Variants in ZNF740 observed in about 807,000 individuals in gnomAD.
ZNF740 encodes the protein zinc finger protein 740, also known as oriLyt TD-element-binding protein 7.
ZNF740 carries 14 observed loss-of-function variants against 24.8 expected under a neutral mutation model. The ratio of observed to expected loss-of-function variants is 0.56; its 90% CI spans 0.37 to 0.88. The LOEUF is 0.88. ZNF740 is among the 40% of genes least tolerant of loss of function. ZNF740 has a pLI of 0.00. For synonymous variants in ZNF740, 69 were observed against 84.0 expected, an observed-to-expected ratio of 0.82 and a Z score of 0.98; for missense variants, 201 against 247.9, an observed-to-expected ratio of 0.81 and a Z score of 1.27.
chr12:53,189,632 G>A lies in ZNF740; in HGVS notation c.*2042G>A, dbSNP rs2120368084. Reference sequence around the variant, plus strand: ...CAGCTCTATGCTGACACTCCCATTTGATGTGGTCCAGAACTTAGACCTCAG... The same window carrying A: ...CAGCTCTATGCTGACACTCCCATTTAATGTGGTCCAGAACTTAGACCTCAG... On this transcript the variant is annotated 3_prime_UTR_variant, in exon 7 of 7. Transcript: ENST00000416904. 6.6e-6 allele frequency: 1 copy of A among 152,224 alleles called. No individual in the cohort carries two copies. Among genetic ancestry groups the A allele is most frequent in the South Asian group, 2.1e-4 (1 of 4,824 alleles). 9.4% of individuals were successfully genotyped at this position (152,224 alleles called of 1,614,324 possible).
At chr12:53,185,597 G>A (rs1351999958) in intron 4 of ZNF740, 121 bp downstream of exon 4, 2 of 882,430 alleles carry the variant, frequency 2.3e-6, no homozygotes, top group African/African-American at 3.4e-5. Flanking sequence ...GATAGCCAGT[G>A]AGTGAGTCCC....
Position 53,193,603 on chromosome 12 carries a change from G to A in ZNF740, c.*6013G>A, listed in dbSNP as rs914932574. 9.7e-7 allele frequency: 1 copy of A among 1,027,714 alleles called. No homozygotes were observed. 63.7% of individuals were successfully genotyped at this position (1,027,714 alleles called of 1,614,324 possible). Reference sequence around the variant, plus strand: ...ATGAAACTGAGTGGGGAGTCGGGATGTCGAGGAGACTCCTGTGGGGGGGAT... The same window carrying A: ...ATGAAACTGAGTGGGGAGTCGGGATATCGAGGAGACTCCTGTGGGGGGGAT... On this transcript the variant is annotated 3_prime_UTR_variant, in exon 7 of 7. Transcript: ENST00000416904.
chr12:53,194,177 C>T lies in ZNF740; in HGVS notation c.*6587C>T. 1 of 1,613,866 alleles carries T rather than the reference C, an allele frequency of 6.2e-7. No individual in the cohort carries two copies. The highest frequency in any genetic ancestry group is 2.2e-5 in the East Asian group (1 of 44,862). On this transcript the variant is annotated 3_prime_UTR_variant, in exon 7 of 7. Transcript: ENST00000416904. The stretch of plus-strand genomic sequence containing the variant: ...CCCACCTCCCCCTGCCCGCCTTCTG[C>T]CTGTGCTTGCTGGCTCTCACCGTCT...
intron 2 of ZNF740, among the ~76,000 whole-genome samples, chr12:53,183,801 A>G (rs1012911143): frequency 2.0e-5 from 3 of 152,104 alleles, no homozygotes; most frequent in Admixed American, 6.5e-5. Context: ...AGGCTGGAGG[A>G]TTGTTTAAGC....
chr12:53,183,775 G>A (rs571489796), intron 2 of ZNF740, among the ~76,000 whole-genome samples: 255 of 152,226 alleles, frequency 1.7e-3, no homozygotes, highest in Non-Finnish European at 2.9e-3. Flanking sequence ...TGTAGTCCCA[G>A]GACCTTAGGA....
intron 1 of ZNF740, 193 bp downstream of exon 1, chr12:53,181,030 C>G: frequency 1.2e-6 from 1 of 868,646 alleles, no homozygotes. Flanking sequence ...CGCGTCCCGC[C>G]GCGTCCCCGG....
intron 2 of ZNF740, among the ~76,000 whole-genome samples, chr12:53,182,431 G>C (rs530510898): frequency 2.0e-5 from 3 of 152,248 alleles, no homozygotes; most frequent in Admixed American, 1.3e-4. Flanking sequence ...AGTTGGGGTC[G>C]GGAGAGGGAT....
chr12:53,187,429 TGA>T, intron 6 of ZNF740, 70 bp from the exon 7 acceptor site: 1 of 1,259,468 alleles, frequency 7.9e-7, no homozygotes, highest in Non-Finnish European at 1.2e-6. Context: ...CTGCCTCCTG[TGA>T]GAGGAATGAG....
In ZNF740 at chr12:53,194,059, G is replaced by A; in HGVS notation, c.*6469G>A. 2 of 1,379,226 alleles carry A rather than the reference G, an allele frequency of 1.5e-6. No homozygotes were observed. Among genetic ancestry groups the A allele is most frequent in the Non-Finnish European group, 1.0e-6 (1 of 990,882 alleles). 85.4% of individuals were successfully genotyped at this position (1,379,226 alleles called of 1,614,324 possible). A position where few individuals can be genotyped will look rare whatever the true frequency, so the allele number is the denominator to read the frequency against. On this transcript the variant is annotated 3_prime_UTR_variant, in exon 7 of 7. Transcript: ENST00000416904. ...CATGCCTGAGGAAGCCACTCAGACT[G>A]CTCCAGGAAGGATGGATGGAGGACT...
chr12:53,191,837 C>T lies in ZNF740; in HGVS notation c.*4247C>T, dbSNP rs1401350785. 6.2e-6 allele frequency: 10 copies of T among 1,613,260 alleles called. No homozygotes were observed. Among genetic ancestry groups the T allele is most frequent in the Non-Finnish European group, 7.6e-6 (9 of 1,179,836 alleles). ...TGGTGGGGGAACAGCTAAAAAGGGG[C>T]CTAACCAGGAAGTCTCCTCACCTGC... On this transcript the variant is annotated 3_prime_UTR_variant, in exon 7 of 7. Coordinates refer to ENST00000416904, the MANE Select transcript of ZNF740 (RefSeq NM_001004304.4).
chr12:53,192,622 G>A lies in ZNF740; in HGVS notation c.*5032G>A. The A allele has an allele frequency of 1.3e-6, 2 of 1,596,350 alleles. No individual in the cohort carries two copies. Among genetic ancestry groups the A allele is most frequent in the Non-Finnish European group, 1.7e-6 (2 of 1,166,558 alleles). On this transcript the variant is annotated 3_prime_UTR_variant, in exon 7 of 7. Coordinates refer to ENST00000416904, the MANE Select transcript of ZNF740 (RefSeq NM_001004304.4). The stretch of plus-strand genomic sequence containing the variant: ...CCAACTACAAGCAGGACGGAGAGTA[G>A]GCAGATGGGAGTAGCTCAACAAGCC...
intron 6 of ZNF740, 184 bp downstream of exon 6, chr12:53,186,693 T>C: frequency 3.8e-6 from 2 of 530,838 alleles, no homozygotes; most frequent in Non-Finnish European, 6.8e-6. Context: ...AATTAGAACA[T>C]TGTAATAATA....
At position 53,193,619 on chromosome 12, in the gene ZNF740, TG is replaced by T. The variant is rs61761310; in HGVS notation, c.*6036del. Reference sequence around the variant, plus strand: ...AGTCGGGATGTCGAGGAGACTCCTGTGGGGGGGATGGAAAGCAGCGGAGGAA... The same window carrying T: ...AGTCGGGATGTCGAGGAGACTCCTGTGGGGGGATGGAAAGCAGCGGAGGAA... On this transcript the variant is annotated 3_prime_UTR_variant, in exon 7 of 7. Transcript: ENST00000416904. 8.8e-5 allele frequency: 102 copies of T among 1,161,046 alleles called. 1 individual carries two copies. In the South Asian group the frequency reaches 9.2e-4, roughly 10 times the overall value. The allele number at this position is 1,161,046 out of a possible 1,614,324, so 71.9% of individuals were successfully genotyped here.
intron 2 of ZNF740, among the ~76,000 whole-genome samples, chr12:53,184,094 A>G (rs182090375): frequency 6.7e-6 from 1 of 149,156 alleles, no homozygotes; most frequent in African/African-American, 2.5e-5. Context: ...GCCAATCAAA[A>G]GTGGGCTCTG....
chr12:53,194,459 G>T lies in ZNF740; in HGVS notation c.*6869G>T. ...CCAGCACCCTGCCCTCTGCCACCTG[G>T]GGCTCCTTCCATTCTGCCCAGTCGA... is the stretch of plus-strand genomic sequence containing the variant. On this transcript the variant is annotated 3_prime_UTR_variant, in exon 7 of 7. Transcript: ENST00000416904. 1 of 1,036,814 alleles carries T rather than the reference G, an allele frequency of 9.6e-7. No individual in the cohort carries two copies. Among genetic ancestry groups the T allele is most frequent in the Non-Finnish European group, 1.4e-6 (1 of 701,744 alleles). 64.2% of individuals were successfully genotyped at this position (1,036,814 alleles called of 1,614,324 possible). A position where few individuals can be genotyped will look rare whatever the true frequency, so the allele number is the denominator to read the frequency against.
chr12:53,191,086 C>G lies in ZNF740; in HGVS notation c.*3496C>G, dbSNP rs1409134242. 4.9e-6 allele frequency: 1 copy of G among 203,244 alleles called. No homozygotes were observed. The highest frequency in any genetic ancestry group is 1.0e-5 in the Non-Finnish European group (1 of 98,070). The allele number at this position is 203,244 out of a possible 1,614,324, so 12.6% of individuals were successfully genotyped here. ...GAAGGAGGCTAGACACCAACAGATG[C>G]AGTGTCTCTGACCTGGGACCCCCCT... On this transcript the variant is annotated 3_prime_UTR_variant, in exon 7 of 7. Transcript: ENST00000416904.
At chr12:53,184,148 T>TGTGC (rs1234647713) in intron 2 of ZNF740, among the ~76,000 whole-genome samples, 1 of 100,396 alleles carries the variant, frequency 1.0e-5, no homozygotes, top group East Asian at 2.9e-4. Flanking sequence ...TGTGTGTGTG[T>TGTGC]GTGCGCGCGC....
intron 2 of ZNF740, among the ~76,000 whole-genome samples, chr12:53,183,491 T>C (rs906448885): frequency 6.6e-6 from 1 of 150,960 alleles, no homozygotes; most frequent in African/African-American, 2.4e-5. Context: ...TTTCTTAAAA[T>C]TTTTTTTTTC....
In ZNF740 at chr12:53,193,200, CA is replaced by C; in HGVS notation, c.*5611del. 6.2e-7 allele frequency: 1 copy of C among 1,614,074 alleles called. No individual in the cohort carries two copies. The highest frequency in any genetic ancestry group is 2.2e-5 in the East Asian group (1 of 44,876). On this transcript the variant is annotated 3_prime_UTR_variant, in exon 7 of 7. Coordinates refer to ENST00000416904, the MANE Select transcript of ZNF740 (RefSeq NM_001004304.4). ...GCATCGTCACACTCGCACAGATGCC[CA>C]GAGCTCTGTCCACTGCAGCTGCAGC...
Sources: gnomAD v4.1 joint callset for allele counts (sites outside exome capture counted in the v4.1 genomes callset) on GRCh38, gnomAD v4.1.1 for gene constraint, MANE v1.5 for transcripts, NCBI Gene and HGNC (gene_info 2026-07-23, HGNC 2026-07-21) for gene names.